The following EBF4 variants were observed in gnomAD, a reference collection of about 807,000 sequenced individuals.
The protein encoded by EBF4 is transcription factor COE4.
In EBF4, 34 loss-of-function variants were observed where a neutral mutation model predicts 67.1. The observed-to-expected ratio is 0.51, with a 90% CI of 0.39 to 0.67. The LOEUF is 0.67. Ranked by LOEUF, EBF4 falls within the 30% of genes least tolerant of loss-of-function variation. The pLI is 0.00. For missense variants in EBF4, 837 were observed against 873.3 expected, an observed-to-expected ratio of 0.96 and a Z score of 0.52; for synonymous variants, 387 against 377.7, an observed-to-expected ratio of 1.02 and a Z score of -0.29.
chr20:2,746,349 C>CA (rs1247589465), intron 6 of EBF4, among the ~76,000 whole-genome samples: 1 of 152,090 alleles, frequency 6.6e-6, no homozygotes, highest in Non-Finnish European at 1.5e-5. Flanking sequence ...GTCTGCACTG[C>CA]AGGGTATCCT....
chr20:2,733,766 T>G (rs112057568), intron 6 of EBF4, among the ~76,000 whole-genome samples: 67 of 151,904 alleles, frequency 4.4e-4, no homozygotes, highest in African/African-American at 1.5e-3. Flanking sequence ...GGAAGAAGAC[T>G]TGTCTTGAGC....
At chr20:2,706,029 A>G in exon 3 of EBF4, 1 of 1,551,608 alleles carries the variant, frequency 6.4e-7, no homozygotes, top group Non-Finnish European at 8.7e-7. Context: ...CGGCTGGTGT[A>G]TAACAATGGT....
chr20:2,754,745 A>G (rs1385177473), intron 14 of EBF4, among the ~76,000 whole-genome samples: 2 of 152,130 alleles, frequency 1.3e-5, no homozygotes, highest in Non-Finnish European at 2.9e-5. Context: ...ATGAGGATGT[A>G]GAAAGGTGGG....
chr20:2,734,402 T>G (rs2087852200), intron 6 of EBF4, among the ~76,000 whole-genome samples: 1 of 152,198 alleles, frequency 6.6e-6, no homozygotes, highest in African/African-American at 2.4e-5. Context: ...AGCAAGACCC[T>G]GTTCCAAAAA....
chr20:2,720,678 A>G (rs1453706738), intron 6 of EBF4, among the ~76,000 whole-genome samples: 2 of 152,112 alleles, frequency 1.3e-5, no homozygotes, highest in African/African-American at 4.8e-5. Flanking sequence ...TGCTTTGTCA[A>G]TTGCTTTTAA....
At chr20:2,733,703 T>G (rs1344252747) in intron 6 of EBF4, among the ~76,000 whole-genome samples, 1 of 152,108 alleles carries the variant, frequency 6.6e-6, no homozygotes, top group Non-Finnish European at 1.5e-5. Flanking sequence ...GATATGTTGT[T>G]GAGTTCCTCT....
intron 6 of EBF4, among the ~76,000 whole-genome samples, chr20:2,740,038 C>T (rs934871356): frequency 2.6e-5 from 4 of 152,232 alleles, no homozygotes; most frequent in Non-Finnish European, 5.9e-5. Context: ...AATGGCTGGG[C>T]GCAGTGGCCC....
rs887149612 is a variant in EBF4, at chr20:2,747,512, G to A, written c.558-1037G>A. 2.0e-5 allele frequency among the ~76,000 whole-genome samples: 3 copies of A among 152,070 alleles called. No individual in the cohort carries two copies. The highest frequency in any genetic ancestry group is 4.4e-5 in the Non-Finnish European group (3 of 68,018). On this transcript the variant is annotated intron_variant, in intron 6 of 16. Transcript: ENST00000609451. This position sits in a 1 kb window ranked among gnomAD's most constrained non-coding sequence, Gnocchi z 4.6. ...TGTGTTTTTTTCCCAATAACTCTAT[G>A]TAAAAAAGAAGACATTCACGGTGTC...
In EBF4 at chr20:2,752,562, C is replaced by T; in HGVS notation, c.1540+17C>T. The T allele has an allele frequency of 6.5e-6, 8 of 1,235,066 alleles. No homozygotes were observed. Among genetic ancestry groups the T allele is most frequent in the Non-Finnish European group, 8.1e-6 (8 of 986,666 alleles). 76.5% of individuals were successfully genotyped at this position (1,235,066 alleles called of 1,614,324 possible). A position where few individuals can be genotyped will look rare whatever the true frequency, so the allele number is the denominator to read the frequency against. ...CCTTCGCCAGTGAGTGTCCCCCGCC[C>T]GCGAGGGAAGGTCTGGGGCCGGGGA... On this transcript the variant is annotated intron_variant, in intron 14 of 16. Transcript: ENST00000609451.
At chr20:2,753,930 G>A (rs777991573) in intron 14 of EBF4, among the ~76,000 whole-genome samples, 14 of 89,126 alleles carry the variant, frequency 1.6e-4, no homozygotes, top group Non-Finnish European at 3.4e-4. Context: ...TTCAGTTCTG[G>A]GGCAGTACCC....
intron 6 of EBF4, among the ~76,000 whole-genome samples, chr20:2,744,925 A>G (rs1303812513): frequency 6.6e-6 from 1 of 152,246 alleles, no homozygotes; most frequent in African/African-American, 2.4e-5. Context: ...ATAAAAGATT[A>G]CTGATGAATT....
Position 2,755,817 on chromosome 20 carries a change from G to A in EBF4, c.1731G>A (p.Gly577=). The change falls in exon 15 of 17, where the codon GGG becomes GGA. Residue 577 remains glycine (G), a synonymous_variant. Coordinates refer to ENST00000609451, the Ensembl canonical transcript of EBF4. The surrounding 1 kb of genome is among the most constrained non-coding windows in gnomAD (Gnocchi z 4.7). ...CCTGCCCCAGAGCCCACGGAGAGGG[G>A]CTTCCAGGTGAGTGATCCACCCTGC... is the stretch of plus-strand genomic sequence containing the variant. 2 of 1,546,962 alleles carry A rather than the reference G, an allele frequency of 1.3e-6. No homozygotes were observed. The highest frequency in any genetic ancestry group is 1.7e-6 in the Non-Finnish European group (2 of 1,146,796).
rs1446001822 is a variant in EBF4, at chr20:2,713,540, C to A, written c.557+3898C>A. On this transcript the variant is annotated intron_variant, in intron 6 of 16. Transcript: ENST00000609451. Reference sequence around the variant, plus strand: ...TGAGGGTACCCTTGACGTTTATGATCATAAATTTGGTGATAACTTTCTCCA... The same window carrying A: ...TGAGGGTACCCTTGACGTTTATGATAATAAATTTGGTGATAACTTTCTCCA... 6.6e-5 allele frequency among the ~76,000 whole-genome samples: 10 copies of A among 152,100 alleles called. No homozygotes were observed. In the East Asian group the frequency reaches 1.9e-3, roughly 29 times the overall value.
chr20:2,700,286 T>C (rs752214554), intron 1 of EBF4, among the ~76,000 whole-genome samples: 2 of 152,024 alleles, frequency 1.3e-5, no homozygotes, highest in African/African-American at 2.4e-5. Flanking sequence ...CAGATAACAC[T>C]GTTGGTATTT....
chr20:2,753,134 T>G (rs1359578731), intron 14 of EBF4, among the ~76,000 whole-genome samples: 3 of 152,212 alleles, frequency 2.0e-5, no homozygotes, highest in Admixed American at 1.3e-4. Context: ...ATTCAGCAAG[T>G]TACTTATTTG....
At chr20:2,713,591 G>C (rs2087571070) in intron 6 of EBF4, among the ~76,000 whole-genome samples, 1 of 152,182 alleles carries the variant, frequency 6.6e-6, no homozygotes, top group South Asian at 2.1e-4. Flanking sequence ...ACAGGTGCAG[G>C]TGCAGAACAG....
intron 3 of EBF4, 83 bp from the exon 4 acceptor site, chr20:2,706,126 G>A (rs1267016302): frequency 2.6e-6 from 4 of 1,549,228 alleles, no homozygotes; most frequent in African/African-American, 1.4e-5. Context: ...CTGTGCCAGG[G>A]CTGGGGAGGG....
At chr20:2,740,399 A>G (rs905771218) in intron 6 of EBF4, among the ~76,000 whole-genome samples, 14 of 152,240 alleles carry the variant, frequency 9.2e-5, no homozygotes, top group Non-Finnish European at 1.9e-4. Context: ...CTTAGTAGCC[A>G]TGCGTGGCTA....
chr20:2,712,672 A>G (rs1337370482), intron 6 of EBF4, among the ~76,000 whole-genome samples: 1 of 152,122 alleles, frequency 6.6e-6, no homozygotes, highest in Non-Finnish European at 1.5e-5. Context: ...CATCGAGGGG[A>G]TGAGTGTTGA....
Sources: gnomAD v4.1 joint callset for allele counts (sites outside exome capture counted in the v4.1 genomes callset) on GRCh38, gnomAD v4.1.1 for gene constraint, Gnocchi (gnomAD v3.1) non-coding constraint, MANE v1.5 for transcripts, NCBI Gene and HGNC (gene_info 2026-07-23, HGNC 2026-07-21) for gene names.